Variants in IL17RB observed in about 807,000 individuals in gnomAD.
IL17RB encodes the protein interleukin 17 receptor B.
IL17RB carries 36 observed loss-of-function variants against 43.9 expected under a neutral mutation model. The ratio of observed to expected loss-of-function variants is 0.82; its 90% CI spans 0.63 to 1.08. IL17RB has a LOEUF of 1.08. IL17RB is among the 50% of genes least tolerant of loss of function. The pLI is 0.00. For synonymous variants in IL17RB, 225 were observed against 225.4 expected (o/e 1.00, Z 0.02); for missense variants, 613 against 613.6 (o/e 1.00, Z 0.01).
rs143904356 is a variant in IL17RB, at chr3:53,865,030, A to G, written c.1231A>G (p.Ser411Gly). Residue 411 changes from serine to glycine, a missense_variant, in exon 11 of 11, where the codon AGC (serine) becomes GGC (glycine). By Grantham distance (56) the Ser-to-Gly change is moderately conservative. Coordinates refer to ENST00000288167, the MANE Select transcript of IL17RB (RefSeq NM_018725.4). ...TGTGTGCGATGGTACCTGTGGCAAG[A>G]GCGAGGGCAGTCCCAGTGAGAACTC... ...NSVCDGTCGK[S>G]EGSPSENSQD... is the part of the protein sequence containing the mutation. 1,553 of 1,614,200 alleles carry G rather than the reference A, an allele frequency of 9.6e-4. 4 individuals carry two copies. Among genetic ancestry groups the G allele is most frequent in the Middle Eastern group, 3.8e-3 (23 of 6,062 alleles).
chr3:53,857,983 G>A (rs537572917), intron 8 of IL17RB: 206 of 365,714 alleles, frequency 5.6e-4, no homozygotes, highest in African/African-American at 1.1e-3. Flanking sequence ...TTTTACTTCC[G>A]CAAGCCTTTA....
At chr3:53,858,294 A>T (rs1699424465) in intron 8 of IL17RB, 1 of 991,162 alleles carries the variant, frequency 1.0e-6, no homozygotes, top group Admixed American at 5.3e-5. Context: ...GGCACCAGCC[A>T]GGGTATGATG....
chr3:53,848,815 G>C (rs542872076), intron 2 of IL17RB, 127 bp downstream of exon 2: 1 of 985,672 alleles, frequency 1.0e-6, no homozygotes, highest in African/African-American at 1.6e-5. Flanking sequence ...TTTATTGGCT[G>C]ATGCAGATGA....
At chr3:53,856,089 C>T (rs552081495) in intron 6 of IL17RB, among the ~76,000 whole-genome samples, 4 of 152,306 alleles carry the variant, frequency 2.6e-5, no homozygotes, top group East Asian at 1.9e-4. Flanking sequence ...CAGATTTGGA[C>T]GCTGAGCTTC....
rs930100478 is a variant in IL17RB, at chr3:53,859,072, C to T, written c.847+254C>T. The stretch of plus-strand genomic sequence containing the variant: ...GATACACAGAAGGGAAAAAAATACA[C>T]AGTGCAAAATGGATGTTCTGAGTGC... On this transcript the variant is annotated intron_variant, in intron 9 of 10. Transcript: ENST00000288167. 1.0e-5 allele frequency: 4 copies of T among 391,062 alleles called. No individual in the cohort carries two copies. In the South Asian group the frequency reaches 2.1e-4, roughly 20 times the overall value. 24.2% of individuals were successfully genotyped at this position (391,062 alleles called of 1,614,324 possible). A position where few individuals can be genotyped will look rare whatever the true frequency, so the allele number is the denominator to read the frequency against.
intron 9 of IL17RB, chr3:53,859,149 G>A (rs891353691): frequency 2.3e-5 from 5 of 216,728 alleles, no homozygotes; most frequent in South Asian, 1.3e-4. Context: ...GGGTATATAT[G>A]AGAATGAATA....
intron 10 of IL17RB, among the ~76,000 whole-genome samples, chr3:53,863,821 ATT>A (rs11318618): frequency 1.6e-3 from 220 of 138,286 alleles, no homozygotes; most frequent in African/African-American, 1.9e-3. Context: ...ACCTCAAAGT[ATT>A]TTTTTTTTTT....
chr3:53,854,978 G>C (rs983484495), intron 5 of IL17RB, among the ~76,000 whole-genome samples: 1 of 151,988 alleles, frequency 6.6e-6, no homozygotes, highest in Admixed American at 6.6e-5. Context: ...TTAGCCGGGC[G>C]TGGTGGCGGG....
chr3:53,854,127 C>T (rs1046837768), intron 5 of IL17RB, among the ~76,000 whole-genome samples: 8 of 152,114 alleles, frequency 5.3e-5, no homozygotes, highest in African/African-American at 1.7e-4. Context: ...AAACTCCTAA[C>T]CTCGGGTGAT....
chr3:53,858,737 A>T lies in IL17RB; in HGVS notation c.766A>T (p.Thr256Ser), dbSNP rs2107021055. 6.2e-7 allele frequency: 1 copy of T among 1,614,046 alleles called. No individual in the cohort carries two copies. The highest frequency in any genetic ancestry group is 1.1e-5 in the South Asian group (1 of 91,070). The change falls in exon 9 of 11, where the codon ACT becomes TCT. Residue 256 changes from threonine (T) to serine (S), a missense_variant. Thr to Ser is a moderately conservative substitution (Grantham distance 58, BLOSUM62 1). Transcript: ENST00000288167. The stretch of plus-strand genomic sequence containing the variant: ...TCCTCAGCTGACTCCATATTTTCCT[A>T]CTTGTGGCAGCGACTGCATCCGACA... Reference protein sequence around the residue: ...ATVQLTPYFPTCGSDCIRHKG... With the variant: ...ATVQLTPYFPSCGSDCIRHKG...
At chr3:53,858,279 G>C in intron 8 of IL17RB, 1 of 924,834 alleles carries the variant, frequency 1.1e-6, no homozygotes, top group Non-Finnish European at 1.3e-6. Context: ...ACACCAGAGG[G>C]GGCAGGCACC....
At chr3:53,852,180 C>T (rs1314334668) in intron 4 of IL17RB, 54 bp downstream of exon 4, 2 of 1,548,380 alleles carry the variant, frequency 1.3e-6, no homozygotes, top group Admixed American at 3.5e-5. Context: ...CTTGTTCTGT[C>T]ACCCAGGCTG....
Position 53,849,771 on chromosome 3 carries a change from G to C in IL17RB, c.202G>C (p.Val68Leu). 6.2e-7 allele frequency: 1 copy of C among 1,608,006 alleles called. No individual in the cohort carries two copies. The highest frequency in any genetic ancestry group is 8.5e-7 in the Non-Finnish European group (1 of 1,176,358). The part of the protein sequence containing the change: ...ATGDYSILMN[V>L]SWVLRADASI... ...AGGGGACTATTCAATTTTGATGAAT[G>C]TAAGCTGGGTACTCCGGGCAGATGG... is the stretch of plus-strand genomic sequence containing the variant. Residue 68 changes from valine (V) to leucine (L), a missense_variant, in exon 3 of 11, where the codon GTA becomes CTA. By Grantham distance (32) the Val-to-Leu change is conservative. Coordinates refer to ENST00000288167, the MANE Select transcript of IL17RB (RefSeq NM_018725.4).
intron 10 of IL17RB, 173 bp downstream of exon 10, chr3:53,860,401 A>G: frequency 2.2e-6 from 1 of 456,674 alleles, no homozygotes. Flanking sequence ...TGACTGGATT[A>G]CACATGCCAG....
chr3:53,849,531 T>TAAAAA, intron 2 of IL17RB, 124 bp from the exon 3 acceptor site: 2 of 551,894 alleles, frequency 3.6e-6, no homozygotes, highest in Non-Finnish European at 5.5e-6. Context: ...TTTTTTTAAT[T>TAAAAA]AAAAAAAAAA....
At chr3:53,859,060 G>C in intron 9 of IL17RB, 1 of 410,604 alleles carries the variant, frequency 2.4e-6, no homozygotes, top group Non-Finnish European at 4.4e-6. Context: ...ACACAGAAGG[G>C]AAAAAAATAC....
chr3:53,858,311 A>T, intron 8 of IL17RB: 1 of 1,011,610 alleles, frequency 9.9e-7, no homozygotes. Flanking sequence ...GATGGCTACT[A>T]CCCTTTTCTG....
In IL17RB at chr3:53,865,089, C is replaced by G. The variant is rs1179626090; in HGVS notation, c.1290C>G (p.Phe430Leu). The change falls in exon 11 of 11, where the codon TTC (phenylalanine) becomes TTG (leucine). Residue 430 changes from phenylalanine (F) to leucine (L), a missense_variant. Transcript: ENST00000288167. ...TCTTCCCCCTTGCCTTTAACCTTTT[C>G]TGCAGTGATCTAAGAAGCCAGATTC... ...QDLFPLAFNL[F>L]CSDLRSQIHL... The G allele has an allele frequency of 6.2e-7, 1 of 1,614,054 alleles. No individual in the cohort carries two copies. The highest frequency in any genetic ancestry group is 1.3e-5 in the African/African-American group (1 of 74,928).
Position 53,852,863 on chromosome 3 carries a change from C to T in IL17RB, c.355-8C>T. 1 of 1,613,234 alleles carries T rather than the reference C, an allele frequency of 6.2e-7. No individual in the cohort carries two copies. Among genetic ancestry groups the T allele is most frequent in the Non-Finnish European group, 8.5e-7 (1 of 1,179,302 alleles). On this transcript the variant is annotated splice_region_variant and splice_polypyrimidine_tract_variant and intron_variant, in intron 4 of 10. Coordinates refer to ENST00000288167, the MANE Select transcript of IL17RB (RefSeq NM_018725.4). ...TGGGAATTGAGAGTTCCTTGCTTTG[C>T]CTTTCAGTGGACATTTTCCTACATC... is the stretch of plus-strand genomic sequence containing the variant.
Sources: allele counts gnomAD v4.1 joint callset (sites outside exome capture counted in the v4.1 genomes callset), GRCh38; gene constraint gnomAD v4.1.1; transcripts MANE v1.5; gene names NCBI Gene and HGNC (gene_info 2026-07-23, HGNC 2026-07-21).